The following XPR1 variants were observed in gnomAD, a reference collection of about 807,000 sequenced individuals.
XPR1 encodes solute carrier family 53 member 1.
In XPR1, 28 loss-of-function variants were observed where a neutral mutation model predicts 87.5. The ratio of observed to expected loss-of-function variants is 0.32; its 90% CI spans 0.24 to 0.44. The LOEUF (loss-of-function observed/expected upper bound fraction) is 0.44, where lower values mean the gene tolerates loss of function less well. Among genes scored for constraint, XPR1 ranks in the 20% least tolerant of loss-of-function variants. XPR1 has a pLI of 1.00. For synonymous variants in XPR1, 300 were observed against 306.1 expected (o/e 0.98, Z 0.21); for missense variants, 559 against 862.3 (o/e 0.65, Z 4.41).
In XPR1 at chr1:180,704,274, A is replaced by G. The variant is rs868656233; in HGVS notation, c.121+21863A>G. Among the ~76,000 whole-genome samples, 40 of 141,680 alleles carry G rather than the reference A, an allele frequency of 2.8e-4. 1 individual carries two copies. In the South Asian group the frequency reaches 8.3e-3, roughly 29 times the overall value. The allele number at this position is 141,680 out of a possible 152,430, so 92.9% of individuals were successfully genotyped here. A position where few individuals can be genotyped will look rare whatever the true frequency, so the allele number is the denominator to read the frequency against. ...TATATATATATATATATATATATAT[A>G]TATTATCAGATTATCTGTTTTGTTA... On this transcript the variant is annotated intron_variant, in intron 2 of 14. Coordinates refer to ENST00000367590, the MANE Select transcript of XPR1 (RefSeq NM_004736.4).
At chr1:180,837,187 G>A (rs1262874094) in intron 11 of XPR1, among the ~76,000 whole-genome samples, 2 of 152,102 alleles carry the variant, frequency 1.3e-5, no homozygotes, top group Non-Finnish European at 2.9e-5. Flanking sequence ...CATCTCCATG[G>A]CAACGTATTA....
chr1:180,689,471 A>G (rs1297620235), intron 2 of XPR1, among the ~76,000 whole-genome samples: 3 of 152,150 alleles, frequency 2.0e-5, no homozygotes, highest in South Asian at 2.1e-4. Flanking sequence ...TTTCTCTCCT[A>G]ATTTTTTTAT....
At chr1:180,836,849 T>C (rs184494585) in intron 11 of XPR1, 133 bp downstream of exon 11, 17 of 1,022,844 alleles carry the variant, frequency 1.7e-5, no homozygotes, top group African/African-American at 1.1e-4. Context: ...CCTTCAGTTA[T>C]ATCAGTTTGT....
chr1:180,830,748 A>G (rs767642739), intron 9 of XPR1, among the ~76,000 whole-genome samples: 8 of 152,158 alleles, frequency 5.3e-5, no homozygotes, highest in Admixed American at 2.0e-4. Context: ...TCTTCACTTC[A>G]CACAGCGCTT....
rs758084024 is a variant in XPR1, at chr1:180,863,817, C to T, written c.1611C>T (p.Phe537=). 5.6e-6 allele frequency: 9 copies of T among 1,611,772 alleles called. No individual in the cohort carries two copies. The African/African-American group carries it at 9.4e-5, about 17-fold the overall frequency. ...IWDLKMDWGL[F]DKNAGENTFL... ...ATCTCAAGATGGACTGGGGTCTCTT[C>T]GATAAGAATGCTGGAGAGAACACTT... is the stretch of plus-strand genomic sequence containing the variant. The change falls in exon 12 of 15, where the codon TTC becomes TTT. Residue 537 remains phenylalanine (F), a synonymous_variant. Coordinates refer to ENST00000367590, the MANE Select transcript of XPR1 (RefSeq NM_004736.4).
At chr1:180,841,263 ATTAAG>A (rs1000680475) in intron 11 of XPR1, among the ~76,000 whole-genome samples, 3 of 152,162 alleles carry the variant, frequency 2.0e-5, no homozygotes, top group African/African-American at 7.2e-5. Context: ...TATTGTTTAT[ATTAAG>A]TTAAGGAGGA....
chr1:180,874,992 C>T (rs1296459317), intron 13 of XPR1, among the ~76,000 whole-genome samples: 1 of 152,174 alleles, frequency 6.6e-6, no homozygotes, highest in Non-Finnish European at 1.5e-5. Context: ...ATTAATTAAA[C>T]CTGAATGACA....
intron 2 of XPR1, among the ~76,000 whole-genome samples, chr1:180,686,503 C>T (rs113303385): frequency 1.7e-3 from 256 of 152,074 alleles, no homozygotes; most frequent in African/African-American, 4.6e-3. Flanking sequence ...CTATTAGGTC[C>T]GCTTGGTGCA....
At chr1:180,764,886 C>T (rs941062410) in intron 2 of XPR1, among the ~76,000 whole-genome samples, 4 of 150,252 alleles carry the variant, frequency 2.7e-5, no homozygotes, top group African/African-American at 7.4e-5. Flanking sequence ...CCCGGGTTCA[C>T]GCCATTCTCC....
chr1:180,722,149 T>G (rs1658197631), intron 2 of XPR1, among the ~76,000 whole-genome samples: 1 of 152,134 alleles, frequency 6.6e-6, no homozygotes, highest in South Asian at 2.1e-4. Flanking sequence ...GTGCCTGTAT[T>G]CCCAGTTACT....
intron 11 of XPR1, among the ~76,000 whole-genome samples, chr1:180,844,866 A>G (rs981507396): frequency 1.3e-5 from 2 of 152,176 alleles, no homozygotes; most frequent in Non-Finnish European, 2.9e-5. Flanking sequence ...TGCTTGCTTC[A>G]TATCTGCTAT....
chr1:180,668,586 G>GT (rs1389501372), intron 1 of XPR1, among the ~76,000 whole-genome samples: 2 of 152,084 alleles, frequency 1.3e-5, no homozygotes, highest in Non-Finnish European at 2.9e-5. Context: ...TGTCTCATAG[G>GT]TTTTGGTATG....
At chr1:180,652,716 CAT>C (rs763725529) in intron 1 of XPR1, among the ~76,000 whole-genome samples, 7 of 152,124 alleles carry the variant, frequency 4.6e-5, no homozygotes, top group Admixed American at 1.3e-4. Context: ...GATGTAATAA[CAT>C]GTAAATTTTG....
chr1:180,741,318 C>T (rs1658914926), intron 2 of XPR1, among the ~76,000 whole-genome samples: 5 of 151,974 alleles, frequency 3.3e-5, no homozygotes, highest in Admixed American at 3.3e-4. Flanking sequence ...TGCCTGCCAC[C>T]ACGCCGAGCT....
chr1:180,880,000 A>G, intron 13 of XPR1, 76 bp from the exon 14 acceptor site: 1 of 1,488,290 alleles, frequency 6.7e-7, no homozygotes, highest in Non-Finnish European at 9.3e-7. Flanking sequence ...TGGAAACTTG[A>G]TACACTGGGA....
intron 2 of XPR1, among the ~76,000 whole-genome samples, chr1:180,725,786 A>G (rs925556489): frequency 3.9e-5 from 6 of 152,214 alleles, no homozygotes; most frequent in Non-Finnish European, 8.8e-5. Context: ...AGTAGCTCCA[A>G]GTGTGGGCTT....
At chr1:180,735,694 T>A (rs1219513766) in intron 2 of XPR1, among the ~76,000 whole-genome samples, 2 of 152,228 alleles carry the variant, frequency 1.3e-5, no homozygotes, top group African/African-American at 4.8e-5. Context: ...TAAAACAGAC[T>A]TCTAAATAAG....
chr1:180,881,071 G>C (rs1276028657), intron 14 of XPR1, among the ~76,000 whole-genome samples: 1 of 152,064 alleles, frequency 6.6e-6, no homozygotes, highest in Non-Finnish European at 1.5e-5. Context: ...CATGTGACTA[G>C]AATTATAGTA....
chr1:180,855,352 C>T (rs1489763436), intron 11 of XPR1, among the ~76,000 whole-genome samples: 1 of 152,026 alleles, frequency 6.6e-6, no homozygotes, highest in East Asian at 1.9e-4. Flanking sequence ...AATTTTTTAT[C>T]TCAAAAATGT....
Sources: allele counts gnomAD v4.1 joint callset (sites outside exome capture counted in the v4.1 genomes callset), GRCh38; gene constraint gnomAD v4.1.1; transcripts MANE v1.5; gene names NCBI Gene and HGNC (gene_info 2026-07-23, HGNC 2026-07-21).